Variants in DLG1 observed in about 807,000 individuals in gnomAD.
DLG1 encodes discs large MAGUK scaffold protein 1, also known as disks large homolog 1.
DLG1 carries 42 observed loss-of-function variants against 123.4 expected under a neutral mutation model. The ratio of observed to expected loss-of-function variants is 0.34; its 90% CI spans 0.27 to 0.44. The LOEUF (loss-of-function observed/expected upper bound fraction) is 0.44. Among genes scored for constraint, DLG1 ranks in the 20% least tolerant of loss-of-function variants. DLG1 has a pLI of 1.00. For missense variants in DLG1, 942 were observed against 1,082.6 expected (o/e 0.87, Z 1.82); for synonymous variants, 317 against 356.2 (o/e 0.89, Z 1.24).
intron 3 of DLG1, among the ~76,000 whole-genome samples, chr3:197,291,300 TACACACACACACAC>T (rs33920543): frequency 2.4e-4 from 34 of 143,286 alleles, no homozygotes; most frequent in South Asian, 6.8e-4. Context: ...CCTACAAAGT[TACACACACACACAC>T]ACACACACAC....
chr3:197,084,735 T>G (rs956621881), intron 16 of DLG1, among the ~76,000 whole-genome samples: 13 of 140,222 alleles, frequency 9.3e-5, no homozygotes, highest in Non-Finnish European at 1.7e-4. Context: ...TCAGTTCTGG[T>G]GATTATTTTT....
intron 5 of DLG1, among the ~76,000 whole-genome samples, chr3:197,185,552 G>T (rs1202350848): frequency 1.3e-5 from 2 of 152,126 alleles, no homozygotes; most frequent in Non-Finnish European, 2.9e-5. Flanking sequence ...ACTAAGGGCG[G>T]ACAGGTAACT....
At chr3:197,144,504 A>C (rs1008130172) in intron 6 of DLG1, among the ~76,000 whole-genome samples, 1 of 152,206 alleles carries the variant, frequency 6.6e-6, no homozygotes, top group African/African-American at 2.4e-5. Flanking sequence ...CATTATGAGA[A>C]AAAATGAACT....
In DLG1 at chr3:197,274,999, A is replaced by G. The variant is rs534694497; in HGVS notation, c.318+7680T>C. 2.0e-5 allele frequency among the ~76,000 whole-genome samples: 3 copies of G among 152,342 alleles called. No homozygotes were observed. In the South Asian group the frequency reaches 6.2e-4, roughly 32 times the overall value. On this transcript the variant is annotated intron_variant, in intron 4 of 24. Coordinates refer to ENST00000667157, the MANE Select transcript of DLG1 (RefSeq NM_001366207.1). ...GGACTTCAAGACCAGCTCAGCCAGC[A>G]TAGTGAAACCCTGTGTCTACTAAAA...
At chr3:197,105,057 A>T in intron 13 of DLG1, 52 bp from the exon 14 acceptor site, 4 of 1,163,602 alleles carry the variant, frequency 3.4e-6, no homozygotes, top group South Asian at 1.3e-5. Flanking sequence ...CTGTGATTAG[A>T]AATCACAATA....
Position 197,074,095 on chromosome 3 carries a change from A to G in DLG1, c.2005+2491T>C, listed in dbSNP as rs188509870. 6.6e-5 allele frequency among the ~76,000 whole-genome samples: 10 copies of G among 152,226 alleles called. No homozygotes were observed. The East Asian group carries it at 1.7e-3, about 26-fold the overall frequency. The stretch of plus-strand genomic sequence containing the variant: ...ACTACATAATCATGGGCACCTTGTC[A>G]ACTGCCTTATATCATCTATTTTATG... On this transcript the variant is annotated intron_variant, in intron 18 of 24. Coordinates refer to ENST00000667157, the MANE Select transcript of DLG1 (RefSeq NM_001366207.1).
At chr3:197,095,286 C>T (rs1467856824) in intron 14 of DLG1, among the ~76,000 whole-genome samples, 1 of 152,148 alleles carries the variant, frequency 6.6e-6, no homozygotes, top group Non-Finnish European at 1.5e-5. Context: ...TACATTACTA[C>T]CATCTAATGC....
chr3:197,239,299 T>C (rs191966451), intron 4 of DLG1, among the ~76,000 whole-genome samples: 2 of 151,932 alleles, frequency 1.3e-5, no homozygotes, highest in Non-Finnish European at 2.9e-5. Flanking sequence ...TCTAAATAGA[T>C]CTATAATTAG....
intron 5 of DLG1, among the ~76,000 whole-genome samples, chr3:197,178,191 T>A (rs1400849759): frequency 6.6e-6 from 1 of 152,122 alleles, no homozygotes; most frequent in African/African-American, 2.4e-5. Context: ...CAAAAAATAT[T>A]AACGAGAGAA....
At chr3:197,152,809 A>T (rs368442647) in intron 5 of DLG1, among the ~76,000 whole-genome samples, 1 of 150,916 alleles carries the variant, frequency 6.6e-6, no homozygotes, top group Non-Finnish European at 1.5e-5. Flanking sequence ...GGCTGGGCAC[A>T]TGGCTCACCC....
intron 4 of DLG1, among the ~76,000 whole-genome samples, chr3:197,199,869 A>C (rs192390709): frequency 1.3e-5 from 2 of 152,320 alleles, no homozygotes; most frequent in Admixed American, 6.5e-5. Context: ...AAAGAATTAC[A>C]AAGTGTGATG....
chr3:197,089,719 C>CA (rs143762325), intron 15 of DLG1, among the ~76,000 whole-genome samples: 9 of 148,774 alleles, frequency 6.0e-5, no homozygotes, highest in East Asian at 2.0e-4. Flanking sequence ...TGTAGATAAG[C>CA]AAAAAAAAAG....
At chr3:197,143,536 G>A (rs182359624) in intron 6 of DLG1, among the ~76,000 whole-genome samples, 59 of 152,230 alleles carry the variant, frequency 3.9e-4, no homozygotes, top group Admixed American at 2.6e-3. Flanking sequence ...GATTACAGGC[G>A]TGAGCCACCG....
At chr3:197,075,892 G>A (rs374231429) in intron 18 of DLG1, 17 of 1,606,700 alleles carry the variant, frequency 1.1e-5, no homozygotes, top group South Asian at 3.3e-5. Flanking sequence ...AGTCCCCAGA[G>A]AGCAAGCAAT....
chr3:197,075,317 CAAAAAAAAAAAA>C lies in DLG1; in HGVS notation c.2005+1257_2005+1268del, dbSNP rs58384491. ...CTCTTGTGGTAACTTATAACTTTCT[CAAAAAAAAAAAA>C]AAAAAAAAAAAAGAGATACACAACC... On this transcript the variant is annotated intron_variant, in intron 18 of 24. Transcript: ENST00000667157. Among the ~76,000 whole-genome samples, 22 of 90,302 alleles carry C rather than the reference CAAAAAAAAAAAA, an allele frequency of 2.4e-4. No individual in the cohort carries two copies. In the South Asian group the frequency reaches 7.6e-3, roughly 31 times the overall value. The allele number at this position is 90,302 out of a possible 152,430, so 59.2% of individuals were successfully genotyped here. A position where few individuals can be genotyped will look rare whatever the true frequency, so the allele number is the denominator to read the frequency against.
Position 197,201,723 on chromosome 3 carries a change from T to C in DLG1, c.319-7134A>G, listed in dbSNP as rs144336117. Among the ~76,000 whole-genome samples the C allele has an allele frequency of 6.6e-5, 10 of 152,072 alleles. No homozygotes were observed. The East Asian group carries it at 7.7e-4, about 12-fold the overall frequency. On this transcript the variant is annotated intron_variant, in intron 4 of 24. Transcript: ENST00000667157. ...TGCTCATGGATCAGAAGAATGAATA[T>C]AGTTAAAATGACCACGTTGCCCAAA...
Position 197,116,058 on chromosome 3 carries a change from G to A in DLG1, c.1312C>T (p.Arg438Cys). 1 of 1,601,480 alleles carries A rather than the reference G, an allele frequency of 6.2e-7. No individual in the cohort carries two copies. The highest frequency in any genetic ancestry group is 8.5e-7 in the Non-Finnish European group (1 of 1,176,584). ...TREPRKVVLH[R>C]GSTGLGFNIV... is the part of the protein sequence containing the mutation. ...TTGAAACCAAGGCCCGTTGAGCCACGATGAAGAACAACTTTTCTAGGTTCC... is the reference window on the plus strand; with the variant it reads ...TTGAAACCAAGGCCCGTTGAGCCACAATGAAGAACAACTTTTCTAGGTTCC... Residue 438 changes from arginine to cysteine, a missense_variant, in exon 13 of 25, where the codon CGT (arginine) becomes TGT (cysteine). Physicochemically the swap from Arg to Cys is radical, Grantham distance 180 (BLOSUM62 -3). Coordinates refer to ENST00000667157, the MANE Select transcript of DLG1 (RefSeq NM_001366207.1).
intron 5 of DLG1, among the ~76,000 whole-genome samples, chr3:197,176,694 C>G (rs1055813071): frequency 2.0e-5 from 3 of 152,114 alleles, no homozygotes; most frequent in African/African-American, 7.2e-5. Flanking sequence ...ACACTTTATC[C>G]ATGCACACAC....
intron 4 of DLG1, among the ~76,000 whole-genome samples, chr3:197,253,499 A>T (rs1456393229): frequency 6.6e-6 from 1 of 152,226 alleles, no homozygotes; most frequent in Non-Finnish European, 1.5e-5. Context: ...AGTTTCTTTA[A>T]AAAAACAAGC....
Sources: allele counts gnomAD v4.1 joint callset (sites outside exome capture counted in the v4.1 genomes callset), GRCh38; gene constraint gnomAD v4.1.1; transcripts MANE v1.5; gene names NCBI Gene and HGNC (gene_info 2026-07-23, HGNC 2026-07-21).